The following MATR3 variants were observed in gnomAD, a reference collection of about 807,000 sequenced individuals.
MATR3 encodes matrin 3, also known as matrin-3.
Under a neutral mutation model 85.5 loss-of-function variants are expected in MATR3, and 4 were observed. The ratio of observed to expected loss-of-function variants is 0.05; its 90% CI spans 0.02 to 0.11. The LOEUF (loss-of-function observed/expected upper bound fraction) is 0.11, where lower values mean the gene tolerates loss of function less well. MATR3 is among the 10% of genes least tolerant of loss of function. The probability of loss-of-function intolerance (pLI) is 1.00; values close to 1 mark genes in which losing one functional copy is unlikely to be tolerated. For synonymous variants in MATR3, 336 were observed against 343.1 expected, an observed-to-expected ratio of 0.98 and a Z score of 0.23; for missense variants, 685 against 1,016.1, an observed-to-expected ratio of 0.67 and a Z score of 4.43.
intron 3 of MATR3, among the ~76,000 whole-genome samples, chr5:139,281,405 C>G (rs867575055): frequency 1.4e-5 from 2 of 146,048 alleles, no homozygotes; most frequent in African/African-American, 5.1e-5. Flanking sequence ...TGCAGTGGCA[C>G]GATCTCAGCT....
chr5:139,308,366 T>C, intron 2 of MATR3, 39 bp downstream of exon 2: 2 of 1,610,298 alleles, frequency 1.2e-6, no homozygotes, highest in Non-Finnish European at 1.7e-6. Flanking sequence ...TTCTTTTACA[T>C]TGTAGTGCCT....
intron 13 of MATR3, 85 bp from the exon 14 acceptor site, chr5:139,326,078 A>T: frequency 8.3e-7 from 1 of 1,208,792 alleles, no homozygotes; most frequent in East Asian, 2.4e-5. Flanking sequence ...ATGTTGTTTC[A>T]TTTAAATTAT....
chr5:139,321,655 A>G (rs1755577145), intron 9 of MATR3: 10 of 515,780 alleles, frequency 1.9e-5, no homozygotes, highest in South Asian at 1.6e-4. Flanking sequence ...TTGGTGGTGC[A>G]TGCCTGTAGA....
chr5:139,322,725 G>A lies in MATR3; in HGVS notation c.1906G>A (p.Glu636Lys). The A allele has an allele frequency of 1.2e-6, 2 of 1,614,154 alleles. No homozygotes were observed. Among genetic ancestry groups the A allele is most frequent in the Non-Finnish European group, 1.7e-6 (2 of 1,180,036 alleles). ...AGAAGAGAAGTCCGGTGAAGATGGTGAGAAAGACACAAAGGATGACCAGAC... is the reference window on the plus strand; with the variant it reads ...AGAAGAGAAGTCCGGTGAAGATGGTAAGAAAGACACAAAGGATGACCAGAC... ...EQEEKSGEDG[E>K]KDTKDDQTEQ... is the part of the protein sequence containing the mutation. The change falls in exon 12 of 15, where the codon GAG becomes AAG. Residue 636 changes from glutamate to lysine, a missense_variant. By Grantham distance (56) the Glu-to-Lys change is moderately conservative. Transcript: ENST00000394805.
At chr5:139,322,409 G>A in intron 10 of MATR3, 54 bp from the exon 11 acceptor site, 1 of 1,452,324 alleles carries the variant, frequency 6.9e-7, no homozygotes, top group Non-Finnish European at 9.7e-7. Context: ...TAATTCACTG[G>A]ATAATTGTGT....
At chr5:139,309,586 A>G (rs990508768) in intron 2 of MATR3, among the ~76,000 whole-genome samples, 2 of 152,172 alleles carry the variant, frequency 1.3e-5, no homozygotes, top group African/African-American at 2.4e-5. Flanking sequence ...AATCTGTACC[A>G]AAGTAAATTA....
upstream of MATR3, among the ~76,000 whole-genome samples, chr5:139,291,285 T>A (rs1753861825): frequency 6.6e-6 from 1 of 152,224 alleles, no homozygotes; most frequent in Non-Finnish European, 1.5e-5. Flanking sequence ...AAGCTCCTCA[T>A]TCCCTCAGAT....
intron 2 of MATR3, chr5:139,311,426 A>G (rs1403435062): frequency 6.6e-6 from 1 of 152,130 alleles, no homozygotes; most frequent in East Asian, 1.9e-4. Flanking sequence ...CCCACCGTAA[A>G]CCAACCAGTA....
chr5:139,306,330 T>A (rs1040858369), intron 1 of MATR3, among the ~76,000 whole-genome samples: 1 of 152,176 alleles, frequency 6.6e-6, no homozygotes, highest in African/African-American at 2.4e-5. Context: ...TTGTGAAAAG[T>A]TTACAGGAAA....
At position 139,330,424 on chromosome 5, in the gene MATR3, G is replaced by A. The variant is rs1756081829; in HGVS notation, c.*1029G>A. On this transcript the variant is annotated 3_prime_UTR_variant, in exon 15 of 15. Transcript: ENST00000394805. The stretch of plus-strand genomic sequence containing the variant: ...TAGGCCATGTTAATTGGTTATACAT[G>A]TTTGGAATGTTAACCAACGTATTTG... 4.4e-6 allele frequency: 2 copies of A among 454,332 alleles called. No individual in the cohort carries two copies. The highest frequency in any genetic ancestry group is 8.8e-6 in the Non-Finnish European group (2 of 226,776). The allele number at this position is 454,332 out of a possible 1,614,324, so 28.1% of individuals were successfully genotyped here.
chr5:139,298,301 G>A (rs1220546737), intron 1 of MATR3, among the ~76,000 whole-genome samples: 1 of 152,236 alleles, frequency 6.6e-6, no homozygotes, highest in Non-Finnish European at 1.5e-5. Context: ...GCTGGGTGCA[G>A]TGATTCACAC....
At chr5:139,276,954 C>T (rs971253433) in intron 2 of MATR3, among the ~76,000 whole-genome samples, 1 of 152,118 alleles carries the variant, frequency 6.6e-6, no homozygotes, top group East Asian at 1.9e-4. Context: ...ACAACTACAA[C>T]CACACTAATT....
Position 139,331,613 on chromosome 5 carries a change from G to C in MATR3, c.*2218G>C, listed in dbSNP as rs983176055. ...TTAAGAACATTTTTCCTACGGCTATGTCAGCCCTTAGTTTAATCTTACATT... is the reference window on the plus strand; with the variant it reads ...TTAAGAACATTTTTCCTACGGCTATCTCAGCCCTTAGTTTAATCTTACATT... On this transcript the variant is annotated 3_prime_UTR_variant, in exon 15 of 15. Coordinates refer to ENST00000394805, the MANE Select transcript of MATR3 (RefSeq NM_018834.6). The C allele has an allele frequency of 1.3e-5, 6 of 453,908 alleles. No individual in the cohort carries two copies. The highest frequency in any genetic ancestry group is 2.6e-5 in the Non-Finnish European group (6 of 226,770). The allele number at this position is 453,908 out of a possible 1,614,324, so 28.1% of individuals were successfully genotyped here. A position where few individuals can be genotyped will look rare whatever the true frequency, so the allele number is the denominator to read the frequency against.
chr5:139,294,128 C>T lies in MATR3; in HGVS notation c.-178+323C>T, dbSNP rs1394977450. 8 of 1,128,804 alleles carry T rather than the reference C, an allele frequency of 7.1e-6. No individual in the cohort carries two copies. In the Admixed American group the frequency reaches 2.9e-4, roughly 41 times the overall value. The allele number at this position is 1,128,804 out of a possible 1,614,324, so 69.9% of individuals were successfully genotyped here. On this transcript the variant is annotated intron_variant, in intron 1 of 14. Coordinates refer to ENST00000394805, the MANE Select transcript of MATR3 (RefSeq NM_018834.6). ...GCGCTGACCGGCCGAGCTTCCTGCG[C>T]GTCCTGGGCTCGTTGTGGGCGGGGG...
In MATR3 at chr5:139,277,553, G is replaced by A. The variant is rs182129021; in HGVS notation, c.-257+1403G>A. ...GTCTTAAGGCTAGTGATATCTGTAG[G>A]GCTTGGGGGATGGTTAGCTTTATAG... On this transcript the variant is annotated intron_variant, in intron 2 of 16. Transcript: ENST00000509990. 6.5e-4 allele frequency among the ~76,000 whole-genome samples: 99 copies of A among 152,156 alleles called. 3 individuals are homozygous for A. The South Asian group carries it at 0.016, about 24-fold the overall frequency.
intron 3 of MATR3, chr5:139,280,751 C>G (rs1001732417): frequency 2.0e-5 from 3 of 152,174 alleles, no homozygotes; most frequent in Admixed American, 2.0e-4. Context: ...GCCTCAAGTT[C>G]TAAGCATACA....
intron 1 of MATR3, among the ~76,000 whole-genome samples, chr5:139,302,268 A>G (rs1209591060): frequency 3.3e-5 from 5 of 152,102 alleles, no homozygotes; most frequent in African/African-American, 9.7e-5. Context: ...GGCCTATTTT[A>G]AAAACTCTTA....
chr5:139,307,182 A>T lies in MATR3; in HGVS notation c.-177-57A>T, dbSNP rs1754754507. ...CATGATGCATAAGTTTTTTTTTCTT[A>T]AAAAAACGGCATCTGCTTAAAGGGA... On this transcript the variant is annotated intron_variant, in intron 1 of 14. Transcript: ENST00000394805. This position sits in a 1 kb window ranked among gnomAD's most constrained non-coding sequence, Gnocchi z 4.4. 2 of 1,176,706 alleles carry T rather than the reference A, an allele frequency of 1.7e-6. No homozygotes were observed. The highest frequency in any genetic ancestry group is 2.1e-6 in the Non-Finnish European group (2 of 951,750). The allele number at this position is 1,176,706 out of a possible 1,614,324, so 72.9% of individuals were successfully genotyped here. A position where few individuals can be genotyped will look rare whatever the true frequency, so the allele number is the denominator to read the frequency against.
At chr5:139,314,542 T>A in intron 2 of MATR3, 133 bp from the exon 3 acceptor site, 3 of 714,738 alleles carry the variant, frequency 4.2e-6, no homozygotes, top group Non-Finnish European at 2.5e-6. Context: ...TAAATCAATG[T>A]GATTTAGTGA....
Sources: gnomAD v4.1 joint callset for allele counts (sites outside exome capture counted in the v4.1 genomes callset) on GRCh38, gnomAD v4.1.1 for gene constraint, Gnocchi (gnomAD v3.1) non-coding constraint, MANE v1.5 for transcripts, NCBI Gene and HGNC (gene_info 2026-07-23, HGNC 2026-07-21) for gene names.